The following WWOX variants were observed in gnomAD, a reference collection of about 807,000 sequenced individuals.
WWOX encodes the protein WW domain containing oxidoreductase.
WWOX carries 69 observed loss-of-function variants against 46.2 expected under a neutral mutation model. That is an observed-to-expected ratio of 1.49 (90% CI 1.23 to 1.82). WWOX has a LOEUF of 1.82. Among genes scored for constraint, WWOX ranks in the 40% most tolerant of loss-of-function variants. WWOX has a pLI of 0.00. For missense variants in WWOX, 919 were observed against 542.6 expected (o/e 1.69, Z -6.89); for synonymous variants, 359 against 202.6 (o/e 1.77, Z -6.56).
intron 5 of WWOX, among the ~76,000 whole-genome samples, chr16:78,296,273 G>A (rs190614111): frequency 5.3e-5 from 8 of 151,614 alleles, no homozygotes; most frequent in East Asian, 1.9e-4. Context: ...CACAGATGTC[G>A]GTTTTCTGGT....
chr16:78,444,791 A>G (rs886801447), intron 8 of WWOX, among the ~76,000 whole-genome samples: 4 of 152,044 alleles, frequency 2.6e-5, no homozygotes, highest in Non-Finnish European at 4.4e-5. Flanking sequence ...CGGCCTCCCA[A>G]AGTGCTGGAA....
chr16:78,419,625 C>CAAAAAAAAAAAAAAAA (rs60762734), intron 6 of WWOX, among the ~76,000 whole-genome samples: 49 of 44,668 alleles, frequency 1.1e-3, no homozygotes, highest in East Asian at 2.2e-3. Context: ...CAAAAAATAG[C>CAAAAAAAAAAAAAAAA]AAAAAAAAAA....
chr16:79,183,621 T>C (rs1243964845), intron 8 of WWOX, among the ~76,000 whole-genome samples: 2 of 152,218 alleles, frequency 1.3e-5, no homozygotes, highest in Admixed American at 6.5e-5. Context: ...AATAACATAC[T>C]AAGTGGCAAT....
intron 8 of WWOX, among the ~76,000 whole-genome samples, chr16:79,188,240 C>G (rs1446523599): frequency 6.6e-6 from 1 of 152,152 alleles, no homozygotes; most frequent in Admixed American, 6.5e-5. Flanking sequence ...AAAATGGAAA[C>G]ACACACTTTT....
chr16:78,333,986 C>T (rs1005144309), intron 5 of WWOX, among the ~76,000 whole-genome samples: 2 of 152,156 alleles, frequency 1.3e-5, no homozygotes, highest in African/African-American at 4.8e-5. Flanking sequence ...CTTTGCATAT[C>T]AGCCTGAGTT....
intron 8 of WWOX, among the ~76,000 whole-genome samples, chr16:79,207,768 C>G (rs1275405218): frequency 1.4e-5 from 2 of 146,452 alleles, no homozygotes; most frequent in South Asian, 2.2e-4. Context: ...CAATGCATTA[C>G]AAATATCAAT....
chr16:78,461,496 G>C (rs1256336700), intron 8 of WWOX, among the ~76,000 whole-genome samples: 1 of 152,200 alleles, frequency 6.6e-6, no homozygotes, highest in Non-Finnish European at 1.5e-5. Context: ...TGCTGATCTT[G>C]TTTTATGAAA....
chr16:78,871,942 C>T (rs1007311650), intron 8 of WWOX, among the ~76,000 whole-genome samples: 4 of 152,162 alleles, frequency 2.6e-5, no homozygotes, highest in African/African-American at 7.2e-5. Flanking sequence ...TGTTTTCTTC[C>T]AGCCATGCCC....
intron 5 of WWOX, among the ~76,000 whole-genome samples, chr16:78,320,530 T>C (rs927452240): frequency 6.6e-6 from 1 of 152,206 alleles, no homozygotes; most frequent in African/African-American, 2.4e-5. Context: ...TTCCCCAAAG[T>C]GGGCTTCCTT....
intron 8 of WWOX, among the ~76,000 whole-genome samples, chr16:78,524,704 C>T (rs2043421637): frequency 6.6e-6 from 1 of 151,860 alleles, no homozygotes; most frequent in Non-Finnish European, 1.5e-5. Flanking sequence ...AAGGTGTGAG[C>T]CACCGCGCCC....
At chr16:79,104,852 C>G (rs9926990) in intron 8 of WWOX, among the ~76,000 whole-genome samples, 28,302 of 152,058 alleles carry the variant, frequency 0.19, 2,754 homozygotes, top group East Asian at 0.36. Context: ...CCCCACTTGA[C>G]CAAAGGTGTC....
At chr16:78,845,865 G>T (rs538209557) in intron 8 of WWOX, among the ~76,000 whole-genome samples, 1 of 152,180 alleles carries the variant, frequency 6.6e-6, no homozygotes, top group Non-Finnish European at 1.5e-5. Flanking sequence ...TATTCTGCAC[G>T]TCCATTTTAA....
intron 5 of WWOX, among the ~76,000 whole-genome samples, chr16:78,339,141 AATG>A (rs1312517965): frequency 8.3e-6 from 1 of 119,820 alleles, no homozygotes; most frequent in Non-Finnish European, 2.0e-5. Flanking sequence ...TATCATGTAT[AATG>A]ATGTTTAAGA....
chr16:78,975,897 G>T (rs2046562712), intron 8 of WWOX, among the ~76,000 whole-genome samples: 1 of 152,140 alleles, frequency 6.6e-6, no homozygotes, highest in South Asian at 2.1e-4. Context: ...TTTCTCAGCA[G>T]CCACATGTCA....
At chr16:78,976,759 A>C (rs141352911) in intron 8 of WWOX, among the ~76,000 whole-genome samples, 15 of 152,324 alleles carry the variant, frequency 9.8e-5, no homozygotes, top group Non-Finnish European at 1.9e-4. Flanking sequence ...TTTTTACTGC[A>C]ACTACCGTTT....
At position 78,493,374 on chromosome 16, in the gene WWOX, T is replaced by C. The variant is rs553590627; in HGVS notation, c.1056+60622T>C. On this transcript the variant is annotated intron_variant, in intron 8 of 8. Coordinates refer to ENST00000566780, the MANE Select transcript of WWOX (RefSeq NM_016373.4). ...CTGCAAGATCGACAGGCTTACCCAG[T>C]TCATTTAGGCGTGGCTTGATTTATG... is the stretch of plus-strand genomic sequence containing the variant. Among the ~76,000 whole-genome samples the C allele has an allele frequency of 3.3e-5, 5 of 152,276 alleles. No individual in the cohort carries two copies. The South Asian group carries it at 8.3e-4, about 25-fold the overall frequency.
At chr16:78,428,017 G>C (rs2083127798) in intron 7 of WWOX, among the ~76,000 whole-genome samples, 1 of 150,758 alleles carries the variant, frequency 6.6e-6, no homozygotes, top group African/African-American at 2.4e-5. Flanking sequence ...GCAGTGAGTG[G>C]AGATTGCACC....
intron 8 of WWOX, among the ~76,000 whole-genome samples, chr16:79,043,320 G>A (rs1271229757): frequency 6.6e-6 from 1 of 152,018 alleles, no homozygotes; most frequent in Non-Finnish European, 1.5e-5. Flanking sequence ...GCAGAAATTA[G>A]GATTAAAAAA....
chr16:78,990,718 AGGAG>A lies in WWOX; in HGVS notation c.1057-220877_1057-220874del, dbSNP rs139141755. Among the ~76,000 whole-genome samples the A allele has an allele frequency of 9.7e-4, 147 of 151,880 alleles. 3 individuals are homozygous for A. Among genetic ancestry groups the A allele is most frequent in the African/African-American group, 3.5e-3 (145 of 41,480 alleles). On this transcript the variant is annotated intron_variant, in intron 8 of 8. Coordinates refer to ENST00000566780, the MANE Select transcript of WWOX (RefSeq NM_016373.4). ...GGAAAGAAGGAAGAAGGAAGGAGGA[AGGAG>A]GGAGGGAGGGAGACAGGGAAGGAAG...
Sources: gnomAD v4.1 joint callset for allele counts (sites outside exome capture counted in the v4.1 genomes callset) on GRCh38, gnomAD v4.1.1 for gene constraint, MANE v1.5 for transcripts, NCBI Gene and HGNC (gene_info 2026-07-23, HGNC 2026-07-21) for gene names.